Variants in RAB38 observed in about 807,000 individuals in gnomAD.
RAB38 encodes ras-related protein Rab-38.
Under a neutral mutation model 18.4 loss-of-function variants are expected in RAB38, and 15 were observed. The observed-to-expected ratio is 0.82, with a 90% CI of 0.55 to 1.26. The LOEUF (loss-of-function observed/expected upper bound fraction) is 1.26. Among genes scored for constraint, RAB38 ranks in the 50% most tolerant of loss-of-function variants. RAB38 has a pLI of 0.00. For missense variants in RAB38, 294 were observed against 267.4 expected (o/e 1.10, Z -0.69); for synonymous variants, 101 against 104.4 (o/e 0.97, Z 0.20).
chr11:88,124,648 A>G (rs1248707473), intron 2 of RAB38, among the ~76,000 whole-genome samples: 3 of 152,222 alleles, frequency 2.0e-5, no homozygotes, highest in Non-Finnish European at 2.9e-5. Context: ...CCACAGTCAG[A>G]TAACAACTCA....
chr11:88,174,875 C>A (rs1180930175), intron 1 of RAB38, among the ~76,000 whole-genome samples: 1 of 152,192 alleles, frequency 6.6e-6, no homozygotes, highest in African/African-American at 2.4e-5. Flanking sequence ...AGAAAACGAG[C>A]TGGAGTGGAG....
chr11:87,973,527 G>A, the RAB38 span, among the ~76,000 whole-genome samples: 1 of 152,002 alleles, frequency 6.6e-6, no homozygotes, highest in Non-Finnish European at 1.5e-5. Flanking sequence ...TACGGTGCTG[G>A]AGACCAGGCA....
intron 2 of RAB38, among the ~76,000 whole-genome samples, chr11:88,129,486 C>T (rs956753221): frequency 3.9e-5 from 6 of 151,974 alleles, no homozygotes; most frequent in African/African-American, 1.5e-4. Flanking sequence ...ACTAAAAATA[C>T]AAAAATTAGC....
chr11:87,836,422 C>T, the RAB38 span, among the ~76,000 whole-genome samples: 86 of 152,140 alleles, frequency 5.7e-4, no homozygotes, highest in South Asian at 5.2e-3. Flanking sequence ...TCACCTTCCC[C>T]GTTCAATTAA....
chr11:87,902,870 T>C, the RAB38 span, among the ~76,000 whole-genome samples: 3 of 150,556 alleles, frequency 2.0e-5, no homozygotes, highest in African/African-American at 7.3e-5. Flanking sequence ...AAATTGATCA[T>C]ATATATGTAT....
the RAB38 span, among the ~76,000 whole-genome samples, chr11:88,027,416 A>G: frequency 6.6e-6 from 1 of 152,154 alleles, no homozygotes; most frequent in African/African-American, 2.4e-5. Context: ...AAGCAGGGTG[A>G]GGCATTGCCT....
chr11:87,850,519 T>C, the RAB38 span, among the ~76,000 whole-genome samples: 40 of 152,234 alleles, frequency 2.6e-4, no homozygotes, highest in African/African-American at 9.1e-4. Context: ...GAGGTGGTGA[T>C]GGGTACACAA....
the RAB38 span, among the ~76,000 whole-genome samples, chr11:88,028,154 C>A: frequency 6.6e-6 from 1 of 152,182 alleles, no homozygotes; most frequent in Non-Finnish European, 1.5e-5. Context: ...TCCAACAGAC[C>A]TGCAGCTGAG....
the RAB38 span, among the ~76,000 whole-genome samples, chr11:87,945,561 G>T: frequency 6.6e-6 from 1 of 152,124 alleles, no homozygotes; most frequent in Non-Finnish European, 1.5e-5. Flanking sequence ...GGAGCAGTAA[G>T]GATGTAGAAG....
the RAB38 span, among the ~76,000 whole-genome samples, chr11:87,858,946 TAAAA>T: frequency 1.5e-5 from 2 of 131,840 alleles, no homozygotes. Flanking sequence ...AAATAAAAAG[TAAAA>T]AAAAAAAATA....
At chr11:88,028,820 G>C in the RAB38 span, among the ~76,000 whole-genome samples, 1 of 152,182 alleles carries the variant, frequency 6.6e-6, no homozygotes, top group Non-Finnish European at 1.5e-5. Context: ...ATATTATCCA[G>C]GAGAACTTCC....
At chr11:88,006,486 T>C in the RAB38 span, among the ~76,000 whole-genome samples, 2 of 151,054 alleles carry the variant, frequency 1.3e-5, no homozygotes, top group Admixed American at 1.3e-4. Flanking sequence ...TCCATGTTTA[T>C]TGCTGCAGTA....
the RAB38 span, among the ~76,000 whole-genome samples, chr11:87,866,085 T>C: frequency 2.6e-5 from 4 of 151,666 alleles, no homozygotes; most frequent in African/African-American, 9.7e-5. Context: ...CCAAACCAGA[T>C]TGATCTTCCT....
the RAB38 span, among the ~76,000 whole-genome samples, chr11:87,974,716 G>A: frequency 4.9e-3 from 743 of 150,416 alleles, 3 homozygotes; most frequent in African/African-American, 0.017. Context: ...CTGCTGAAAA[G>A]CAGCCAAAGG....
intron 2 of RAB38, among the ~76,000 whole-genome samples, chr11:88,133,073 C>T (rs1391471375): frequency 1.3e-5 from 2 of 151,922 alleles, no homozygotes; most frequent in Non-Finnish European, 2.9e-5. Flanking sequence ...TCCCATTATC[C>T]CATGCTCTGT....
At chr11:88,069,451 C>T in the RAB38 span, among the ~76,000 whole-genome samples, 9 of 152,228 alleles carry the variant, frequency 5.9e-5, no homozygotes, top group African/African-American at 1.2e-4. Flanking sequence ...ACATGACTGG[C>T]GGGCAGCTCC....
At chr11:87,896,377 T>C in the RAB38 span, among the ~76,000 whole-genome samples, 112 of 151,674 alleles carry the variant, frequency 7.4e-4, no homozygotes, top group African/African-American at 2.7e-3. Context: ...ACCATCCAAT[T>C]TGAAATCTGG....
chr11:88,125,637 T>G (rs544653542), intron 2 of RAB38, among the ~76,000 whole-genome samples: 1 of 152,350 alleles, frequency 6.6e-6, no homozygotes, highest in Non-Finnish European at 1.5e-5. Flanking sequence ...ATAAGTAGAT[T>G]GCAAAAATTG....
In RAB38 at chr11:88,151,909, A is replaced by G. The variant is rs184247085; in HGVS notation, c.203-1954T>C. Among the ~76,000 whole-genome samples, 10 of 152,308 alleles carry G rather than the reference A, an allele frequency of 6.6e-5. No individual in the cohort carries two copies. In the East Asian group the frequency reaches 1.7e-3, roughly 26 times the overall value. ...AAGAGTATTTTGTCACAGCCAGCAC[A>G]TGACAATCTTACAGTATTTCTTACG... On this transcript the variant is annotated intron_variant, in intron 1 of 2. Transcript: ENST00000243662.
Sources: gnomAD v4.1 joint callset for allele counts (sites outside exome capture counted in the v4.1 genomes callset) on GRCh38, gnomAD v4.1.1 for gene constraint, MANE v1.5 for transcripts, NCBI Gene and HGNC (gene_info 2026-07-23, HGNC 2026-07-21) for gene names.